AKAP6: variants seen among roughly 807,000 people sequenced by gnomAD.
AKAP6 encodes the protein A-kinase anchor protein 6.
In AKAP6, 58 loss-of-function variants were observed where a neutral mutation model predicts 188.5. That is an observed-to-expected ratio of 0.31 (90% CI 0.25 to 0.38). The LOEUF is 0.38. AKAP6 is among the 10% of genes least tolerant of loss of function. The pLI, the probability that AKAP6 is intolerant of heterozygous loss-of-function variation, is 1.00. For synonymous variants in AKAP6, 989 were observed against 998.6 expected, an observed-to-expected ratio of 0.99 and a Z score of 0.18; for missense variants, 2,710 against 2,740.0, an observed-to-expected ratio of 0.99 and a Z score of 0.24.
intron 7 of AKAP6, among the ~76,000 whole-genome samples, chr14:32,664,344 G>A (rs1004339257): frequency 2.0e-5 from 3 of 152,138 alleles, no homozygotes; most frequent in Non-Finnish European, 4.4e-5. Context: ...TTGTGTGTAT[G>A]TGTGTGCATG....
At chr14:32,714,446 A>C (rs944491680) in intron 9 of AKAP6, among the ~76,000 whole-genome samples, 1 of 152,018 alleles carries the variant, frequency 6.6e-6, no homozygotes. Flanking sequence ...TTTTTTTTAA[A>C]GTACCATAAA....
chr14:32,559,874 G>A (rs1883876040), intron 4 of AKAP6, among the ~76,000 whole-genome samples: 1 of 150,666 alleles, frequency 6.6e-6, no homozygotes. Context: ...TAATCTTAAG[G>A]GTTATTGAAA....
intron 11 of AKAP6, among the ~76,000 whole-genome samples, chr14:32,769,447 T>C (rs1426557021): frequency 6.6e-6 from 1 of 152,150 alleles, no homozygotes; most frequent in Non-Finnish European, 1.5e-5. Context: ...TATATGCAGA[T>C]TATACCTTCT....
chr14:32,655,250 A>G (rs1888407901), intron 7 of AKAP6, among the ~76,000 whole-genome samples: 1 of 152,110 alleles, frequency 6.6e-6, no homozygotes, highest in African/African-American at 2.4e-5. Flanking sequence ...ACATTCTTTT[A>G]TTTTCCTTAT....
At chr14:32,344,304 T>C (rs1306308162) in intron 1 of AKAP6, among the ~76,000 whole-genome samples, 8 of 152,234 alleles carry the variant, frequency 5.3e-5, no homozygotes, top group Admixed American at 2.6e-4. Flanking sequence ...GTCCTGAATA[T>C]AACACCAATC....
chr14:32,724,637 T>A (rs1222386767), intron 9 of AKAP6, among the ~76,000 whole-genome samples: 1 of 152,176 alleles, frequency 6.6e-6, no homozygotes, highest in African/African-American at 2.4e-5. Flanking sequence ...TAGCCAGTTC[T>A]TGGCTAAGGA....
chr14:32,466,916 A>G, intron 2 of AKAP6, among the ~76,000 whole-genome samples: 1 of 147,348 alleles, frequency 6.8e-6, no homozygotes. Context: ...TTGAGGAAAT[A>G]TATACATATA....
At chr14:32,532,110 A>G (rs1882444451) in intron 2 of AKAP6, among the ~76,000 whole-genome samples, 1 of 152,222 alleles carries the variant, frequency 6.6e-6, no homozygotes, top group South Asian at 2.1e-4. Flanking sequence ...TAAGCAGCAT[A>G]GGAGAGTTCC....
At chr14:32,616,022 C>T (rs1036667172) in intron 7 of AKAP6, among the ~76,000 whole-genome samples, 3 of 152,178 alleles carry the variant, frequency 2.0e-5, no homozygotes, top group Non-Finnish European at 4.4e-5. Flanking sequence ...GTCCCTGAGC[C>T]TCAGATTCCT....
intron 2 of AKAP6, among the ~76,000 whole-genome samples, chr14:32,480,362 A>G (rs1309685033): frequency 6.6e-6 from 1 of 152,220 alleles, no homozygotes; most frequent in Admixed American, 6.5e-5. Flanking sequence ...TGCATTAATG[A>G]AAGATCTGGG....
intron 5 of AKAP6, among the ~76,000 whole-genome samples, chr14:32,586,079 G>T (rs1414115851): frequency 3.9e-5 from 6 of 152,140 alleles, no homozygotes; most frequent in Non-Finnish European, 8.8e-5. Context: ...AACTGGATGA[G>T]GTTCGTGGCT....
At chr14:32,585,577 G>C (rs1885199399) in intron 5 of AKAP6, among the ~76,000 whole-genome samples, 1 of 152,116 alleles carries the variant, frequency 6.6e-6, no homozygotes, top group Non-Finnish European at 1.5e-5. Flanking sequence ...TGATGAATGA[G>C]CTTGGTTTCT....
At chr14:32,578,806 A>G (rs1455842585) in intron 5 of AKAP6, among the ~76,000 whole-genome samples, 1 of 151,566 alleles carries the variant, frequency 6.6e-6, no homozygotes, top group Non-Finnish European at 1.5e-5. Flanking sequence ...CTAGGAGAGT[A>G]TGGACCCAAG....
intron 10 of AKAP6, among the ~76,000 whole-genome samples, chr14:32,735,084 C>T (rs977704820): frequency 6.6e-6 from 1 of 152,114 alleles, no homozygotes; most frequent in African/African-American, 2.4e-5. Flanking sequence ...GAACAATTTC[C>T]AAGTCAGGTA....
chr14:32,641,775 G>T (rs1414608915), intron 7 of AKAP6, among the ~76,000 whole-genome samples: 1 of 152,098 alleles, frequency 6.6e-6, no homozygotes, highest in African/African-American at 2.4e-5. Flanking sequence ...GTATTTCCTT[G>T]ATAAAATTGT....
intron 11 of AKAP6, among the ~76,000 whole-genome samples, chr14:32,757,460 G>C (rs1207000455): frequency 6.6e-6 from 1 of 152,188 alleles, no homozygotes. Context: ...AATGCTAACT[G>C]TTGGATCAGC....
intron 7 of AKAP6, among the ~76,000 whole-genome samples, chr14:32,640,963 G>A (rs995480626): frequency 1.3e-5 from 2 of 152,110 alleles, no homozygotes; most frequent in African/African-American, 4.8e-5. Context: ...ATGACCTTTT[G>A]GTGATGTGTT....
intron 2 of AKAP6, among the ~76,000 whole-genome samples, chr14:32,529,482 A>G (rs1168453418): frequency 6.6e-6 from 1 of 152,062 alleles, no homozygotes; most frequent in Non-Finnish European, 1.5e-5. Flanking sequence ...ATCTTATTGC[A>G]ATAGCTAGGA....
intron 11 of AKAP6, among the ~76,000 whole-genome samples, chr14:32,742,495 A>T (rs533603328): frequency 6.6e-6 from 1 of 151,914 alleles, no homozygotes; most frequent in Non-Finnish European, 1.5e-5. Context: ...TTTTTGATGT[A>T]GGCACTTATA....
Sources: gnomAD v4.1 joint callset for allele counts (sites outside exome capture counted in the v4.1 genomes callset) on GRCh38, gnomAD v4.1.1 for gene constraint, MANE v1.5 for transcripts, NCBI Gene and HGNC (gene_info 2026-07-23, HGNC 2026-07-21) for gene names.